RPL24: variants seen among roughly 807,000 people sequenced by gnomAD.
RPL24 encodes the protein large ribosomal subunit protein eL24.
Under a neutral mutation model 26.4 loss-of-function variants are expected in RPL24, and 7 were observed. That is an observed-to-expected ratio of 0.27 (90% CI 0.15 to 0.50). The LOEUF (loss-of-function observed/expected upper bound fraction) is 0.50. Among genes scored for constraint, RPL24 ranks in the 20% least tolerant of loss-of-function variants. The pLI is 0.98. For synonymous variants in RPL24, 67 were observed against 65.2 expected, an observed-to-expected ratio of 1.03 and a Z score of -0.13; for missense variants, 109 against 194.9, an observed-to-expected ratio of 0.56 and a Z score of 2.62.
At chr3:101,685,710 GCT>G (rs1937329023) in intron 3 of RPL24, 106 bp downstream of exon 3, 2 of 587,212 alleles carry the variant, frequency 3.4e-6, no homozygotes, top group African/African-American at 3.7e-5. Context: ...CAGTTTAAGA[GCT>G]CTTTCGCATA....
chr3:101,682,757 A>G lies in RPL24; in HGVS notation c.329+14T>C. 1 of 1,610,316 alleles carries G rather than the reference A, an allele frequency of 6.2e-7. No individual in the cohort carries two copies. Among genetic ancestry groups the G allele is most frequent in the Non-Finnish European group, 8.5e-7 (1 of 1,178,614 alleles). ...CCGAATAGGTAAAATGCTCATAATGAAAGCATTCCTCACCTGATAGCTTGT... is the reference window on the plus strand; with the variant it reads ...CCGAATAGGTAAAATGCTCATAATGGAAGCATTCCTCACCTGATAGCTTGT... On this transcript the variant is annotated intron_variant, in intron 4 of 5. Transcript: ENST00000394077.
intron 3 of RPL24, among the ~76,000 whole-genome samples, chr3:101,683,251 G>A (rs541240505): frequency 6.6e-6 from 1 of 152,186 alleles, no homozygotes; most frequent in African/African-American, 2.4e-5. Context: ...TTAACTCAAA[G>A]GACTGTCACT....
At position 101,682,457 on chromosome 3, in the gene RPL24, G is replaced by T. The variant is rs1282588524; in HGVS notation, c.365C>A (p.Ser122Tyr). 2 of 1,614,042 alleles carry T rather than the reference G, an allele frequency of 1.2e-6. No individual in the cohort carries two copies. The highest frequency in any genetic ancestry group is 1.7e-6 in the Non-Finnish European group (2 of 1,179,892). ...AGCAGCAGCCATTGCAGTCTTTTTA[G>T]ATGCTTGCTTAGCCTTTTTTGCTTC... ...AKEAKKAKQA[S>Y]KKTAMAAAKA... Residue 122 changes from serine to tyrosine, a missense_variant, in exon 5 of 6, where the codon TCT becomes TAT. Physicochemically the swap from Ser to Tyr is moderately radical, Grantham distance 144. Transcript: ENST00000394077.
At chr3:101,682,274 G>A (rs1288921845) in intron 5 of RPL24, 155 bp downstream of exon 5, 3 of 659,764 alleles carry the variant, frequency 4.5e-6, no homozygotes, top group Admixed American at 2.5e-5. Flanking sequence ...GCTGAGGCAG[G>A]AGTATCACTT....
intron 2 of RPL24, chr3:101,686,255 G>A (rs1283308617): frequency 5.1e-6 from 3 of 584,784 alleles, no homozygotes; most frequent in Middle Eastern, 4.5e-4. Flanking sequence ...CCCTTACACC[G>A]GGACATCAGT....
chr3:101,685,739 TAC>T (rs2108341280), intron 3 of RPL24, 77 bp downstream of exon 3: 1 of 738,912 alleles, frequency 1.4e-6, no homozygotes, highest in African/African-American at 1.8e-5. Flanking sequence ...GATTTAATTT[TAC>T]AGAGCAGAAA....
rs755990110 is a variant in RPL24, at chr3:101,685,797, A to G, written c.192+21T>C. 2.2e-6 allele frequency: 3 copies of G among 1,384,032 alleles called. No homozygotes were observed. The African/African-American group carries it at 4.3e-5, about 20-fold the overall frequency. 85.7% of individuals were successfully genotyped at this position (1,384,032 alleles called of 1,614,324 possible). Reference sequence around the variant, plus strand: ...GACAACTTAAGAGATAGCCCCCAACATCAAGGCGTATTCCACTTACCGACT... The same window carrying G: ...GACAACTTAAGAGATAGCCCCCAACGTCAAGGCGTATTCCACTTACCGACT... On this transcript the variant is annotated intron_variant, in intron 3 of 5. Transcript: ENST00000394077.
At chr3:101,685,780 AAG>A in intron 3 of RPL24, 36 bp downstream of exon 3, 4 of 1,198,506 alleles carry the variant, frequency 3.3e-6, no homozygotes. Context: ...TTGACAACTT[AAG>A]AGATAGCCCC....
intron 3 of RPL24, among the ~76,000 whole-genome samples, chr3:101,683,707 CTT>C (rs541871888): frequency 9.9e-5 from 13 of 130,838 alleles, no homozygotes; most frequent in Non-Finnish European, 1.3e-4. Flanking sequence ...TTTTTCTTTT[CTT>C]TTTTTTTTTT....
rs150923695 is a variant in RPL24 at position 101,686,533 on chromosome 3, C to G, written c.30G>C (p.Gly10=). MKVELCSFS[G]YKIYPGHGRR... Reference sequence around the variant, plus strand: ...TCCCGTGTCCGGGGTAGATCTTGTACCCGCTAAAACTGCACAGCTCGACCC... The same window carrying G: ...TCCCGTGTCCGGGGTAGATCTTGTAGCCGCTAAAACTGCACAGCTCGACCC... The change falls in exon 2 of 6, where the codon GGG becomes GGC. Residue 10 remains glycine (G), a synonymous_variant. Coordinates refer to ENST00000394077, the MANE Select transcript of RPL24 (RefSeq NM_000986.4). The G allele has an allele frequency of 6.2e-6, 10 of 1,613,960 alleles. No homozygotes were observed. In the African/African-American group the frequency reaches 1.2e-4, roughly 19 times the overall value.
rs201774954 is a variant in RPL24 at position 101,686,709 on chromosome 3, G to C, written c.-33C>G. The C allele has an allele frequency of 4.7e-4, 757 of 1,613,934 alleles. No individual in the cohort carries two copies. Among genetic ancestry groups the C allele is most frequent in the Non-Finnish European group, 5.0e-4 (585 of 1,179,886 alleles). On this transcript the variant is annotated 5_prime_UTR_variant, in exon 1 of 6. Coordinates refer to ENST00000394077, the MANE Select transcript of RPL24 (RefSeq NM_000986.4). ...GCTCCACGGAAAGACAAAAGATGGCGAAAAGAAAGAGAGAATCATGGGAAG... is the reference window on the plus strand; with the variant it reads ...GCTCCACGGAAAGACAAAAGATGGCCAAAAGAAAGAGAGAATCATGGGAAG...
chr3:101,681,954 TG>T (rs2108337314), intron 5 of RPL24: 1 of 159,874 alleles, frequency 6.3e-6, no homozygotes, highest in East Asian at 1.8e-4. Context: ...TCTGGAGACC[TG>T]AACCATTGGC....
intron 3 of RPL24, among the ~76,000 whole-genome samples, chr3:101,683,575 A>G (rs969919573): frequency 1.3e-5 from 2 of 152,048 alleles, no homozygotes; most frequent in Non-Finnish European, 2.9e-5. Flanking sequence ...TCTACAGTAA[A>G]ATGGCAGTTT....
At chr3:101,682,390 G>T (rs949449858) in intron 5 of RPL24, 39 bp downstream of exon 5, 1 of 1,538,898 alleles carries the variant, frequency 6.5e-7, no homozygotes, top group African/African-American at 1.4e-5. Flanking sequence ...AAATTTTCCT[G>T]TTGTATTGTT....
In RPL24 at chr3:101,685,813, C is replaced by T. The variant is rs1937332111; in HGVS notation, c.192+5G>A. The T allele has an allele frequency of 6.4e-7, 1 of 1,552,478 alleles. No individual in the cohort carries two copies. The highest frequency in any genetic ancestry group is 8.9e-7 in the Non-Finnish European group (1 of 1,125,926). ...GCCCCCAACATCAAGGCGTATTCCA[C>T]TTACCGACTGTCCCTTTTTGTGCTT... On this transcript the variant is annotated splice_donor_5th_base_variant and intron_variant, in intron 3 of 5. Coordinates refer to ENST00000394077, the MANE Select transcript of RPL24 (RefSeq NM_000986.4).
chr3:101,685,466 G>A (rs1937324339), intron 3 of RPL24, among the ~76,000 whole-genome samples: 1 of 152,106 alleles, frequency 6.6e-6, no homozygotes, highest in Non-Finnish European at 1.5e-5. Context: ...TGGTGGACTG[G>A]TTCATGGTCC....
chr3:101,681,529 CTCAATGTTA>C, intron 5 of RPL24: 1 of 273,040 alleles, frequency 3.7e-6, no homozygotes, highest in South Asian at 5.8e-5. Context: ...CTCAGCTTTT[CTCAATGTTA>C]TCAATGTAGA....
chr3:101,684,009 G>A (rs755254208), intron 3 of RPL24, among the ~76,000 whole-genome samples: 28 of 152,110 alleles, frequency 1.8e-4, no homozygotes, highest in Non-Finnish European at 3.2e-4. Context: ...ACCATCCCCA[G>A]CCTGTTTTCT....
At chr3:101,684,638 C>A (rs1937308155) in intron 3 of RPL24, among the ~76,000 whole-genome samples, 1 of 151,708 alleles carries the variant, frequency 6.6e-6, no homozygotes, top group Non-Finnish European at 1.5e-5. Context: ...TAAAAAATAG[C>A]TGGGCCATGG....
Sources: gnomAD v4.1 joint callset for allele counts (sites outside exome capture counted in the v4.1 genomes callset) on GRCh38, gnomAD v4.1.1 for gene constraint, MANE v1.5 for transcripts, NCBI Gene and HGNC (gene_info 2026-07-23, HGNC 2026-07-21) for gene names.